ELP4: variants seen among roughly 807,000 people sequenced by gnomAD.
ELP4 encodes the protein elongator complex protein 4.
In ELP4, 51 loss-of-function variants were observed where a neutral mutation model predicts 48.9. That is an observed-to-expected ratio of 1.04 (90% confidence interval 0.83 to 1.32). The LOEUF (loss-of-function observed/expected upper bound fraction) is 1.32, where lower values mean the gene tolerates loss of function less well. Among genes scored for constraint, ELP4 ranks in the 40% most tolerant of loss-of-function variants. ELP4 has a pLI of 0.00. For synonymous variants in ELP4, 210 were observed against 189.2 expected, an observed-to-expected ratio of 1.11 and a Z score of -0.90; for missense variants, 519 against 514.6, an observed-to-expected ratio of 1.01 and a Z score of -0.08.
At chr11:31,748,241 ATCT>A (rs1389299623) in intron 9 of ELP4, among the ~76,000 whole-genome samples, 2 of 145,696 alleles carry the variant, frequency 1.4e-5, no homozygotes, top group African/African-American at 2.5e-5. Flanking sequence ...GTAAACCAAG[ATCT>A]TTTTTTTTTT....
Position 31,665,689 on chromosome 11 carries a change from G to A in ELP4, c.1143+15468G>A, listed in dbSNP as rs76958774. 7.1e-5 allele frequency among the ~76,000 whole-genome samples: 6 copies of A among 84,406 alleles called. No homozygotes were observed. In the East Asian group the frequency reaches 2.3e-3, roughly 33 times the overall value. 55.4% of individuals were successfully genotyped at this position (84,406 alleles called of 152,430 possible). ...TTTTTTTTTTTTTTTGAGAGATTCT[G>A]TGTCACCCAGGCTGGAGTACAGTGG... On this transcript the variant is annotated intron_variant, in intron 9 of 9. Coordinates refer to ENST00000640961, the MANE Select transcript of ELP4 (RefSeq NM_019040.5).
chr11:31,784,860 A>T lies in ELP4; in HGVS notation c.*1336A>T, dbSNP rs1387381312. The T allele has an allele frequency of 5.6e-6, 1 of 178,120 alleles. No individual in the cohort carries two copies. Among genetic ancestry groups the T allele is most frequent in the Non-Finnish European group, 1.2e-5 (1 of 82,862 alleles). 11.0% of individuals were successfully genotyped at this position (178,120 alleles called of 1,614,324 possible). A position where few individuals can be genotyped will look rare whatever the true frequency, so the allele number is the denominator to read the frequency against. On this transcript the variant is annotated 3_prime_UTR_variant, in exon 10 of 10. Transcript: ENST00000640961. ...TGACAGTGATTTGCCAGGATGTCAA[A>T]TCTCTCCATCATATCCTGTCACTAC...
intron 5 of ELP4, among the ~76,000 whole-genome samples, chr11:31,615,129 A>G (rs1042472649): frequency 6.6e-6 from 1 of 152,100 alleles, no homozygotes; most frequent in Non-Finnish European, 1.5e-5. Context: ...CAGGTCAGCA[A>G]CTTACTCTCA....
intron 9 of ELP4, among the ~76,000 whole-genome samples, chr11:31,685,653 C>T (rs1231909941): frequency 6.6e-6 from 1 of 152,058 alleles, no homozygotes; most frequent in East Asian, 1.9e-4. Context: ...ATATTTCTGG[C>T]CGGGTGTGGT....
intron 6 of ELP4, among the ~76,000 whole-genome samples, chr11:31,629,597 C>A (rs1037695279): frequency 6.6e-6 from 1 of 151,824 alleles, no homozygotes; most frequent in Admixed American, 6.6e-5. Context: ...TAATTTCATA[C>A]CTAACAGCAT....
intron 2 of ELP4, among the ~76,000 whole-genome samples, chr11:31,531,682 A>T (rs1220766753): frequency 6.6e-6 from 1 of 152,216 alleles, no homozygotes. Context: ...TACAACATTT[A>T]AAGAGGCTTA....
intron 5 of ELP4, among the ~76,000 whole-genome samples, chr11:31,610,161 T>G (rs1215729299): frequency 6.6e-6 from 1 of 152,154 alleles, no homozygotes; most frequent in East Asian, 1.9e-4. Flanking sequence ...ATTAAAAGGA[T>G]ATGGTGAATG....
chr11:31,702,430 G>C (rs1308817156), intron 9 of ELP4, among the ~76,000 whole-genome samples: 1 of 152,034 alleles, frequency 6.6e-6, no homozygotes, highest in African/African-American at 2.4e-5. Context: ...GTTTCAATTT[G>C]GGATGAAAAA....
At chr11:31,665,655 C>CTTTTT (rs71060496) in intron 9 of ELP4, among the ~76,000 whole-genome samples, 9 of 79,680 alleles carry the variant, frequency 1.1e-4, no homozygotes, top group African/African-American at 1.7e-4. Flanking sequence ...GTCTCTCTTC[C>CTTTTT]TTTTTTTTTT....
At chr11:31,632,551 C>T in intron 7 of ELP4, 146 bp downstream of exon 7, 1 of 551,746 alleles carries the variant, frequency 1.8e-6, no homozygotes, top group East Asian at 3.1e-5. Context: ...TTTTGTCTGT[C>T]TTTTGTCCAT....
chr11:31,521,704 A>G (rs1032586924), intron 2 of ELP4, among the ~76,000 whole-genome samples: 1 of 152,160 alleles, frequency 6.6e-6, no homozygotes, highest in Non-Finnish European at 1.5e-5. Flanking sequence ...CATGATCAGC[A>G]TTTCTCCATT....
At chr11:31,732,922 C>G (rs2134204429) in intron 9 of ELP4, among the ~76,000 whole-genome samples, 1 of 152,196 alleles carries the variant, frequency 6.6e-6, no homozygotes, top group East Asian at 1.9e-4. Flanking sequence ...ATAGATGAAG[C>G]AAACAGTGAC....
At chr11:31,515,509 A>C (rs1956095182) in intron 1 of ELP4, among the ~76,000 whole-genome samples, 1 of 152,126 alleles carries the variant, frequency 6.6e-6, no homozygotes, top group Non-Finnish European at 1.5e-5. Flanking sequence ...TTAAAAAAGA[A>C]AAAGAATTAG....
intron 5 of ELP4, among the ~76,000 whole-genome samples, chr11:31,612,810 G>T (rs75372653): frequency 0.017 from 2,661 of 152,238 alleles, 80 homozygotes; most frequent in African/African-American, 0.06. Context: ...GATAAAGACA[G>T]CAACTTAAAA....
intron 9 of ELP4, among the ~76,000 whole-genome samples, chr11:31,777,079 C>T (rs1044117594): frequency 1.3e-5 from 2 of 151,756 alleles, no homozygotes; most frequent in Admixed American, 6.6e-5. Flanking sequence ...AGAATAATTA[C>T]AATATAATAT....
intron 3 of ELP4, among the ~76,000 whole-genome samples, chr11:31,568,622 C>T (rs1283777372): frequency 6.6e-6 from 1 of 152,018 alleles, no homozygotes; most frequent in Admixed American, 6.5e-5. Flanking sequence ...AGAAATAAAG[C>T]CATACACTGA....
chr11:31,669,814 G>A (rs1431883936), intron 9 of ELP4, among the ~76,000 whole-genome samples: 1 of 152,144 alleles, frequency 6.6e-6, no homozygotes, highest in Non-Finnish European at 1.5e-5. Context: ...ATGGAGAAGG[G>A]TATTAGTAAT....
intron 3 of ELP4, among the ~76,000 whole-genome samples, chr11:31,566,966 A>C (rs1018759265): frequency 1.6e-4 from 25 of 152,176 alleles, no homozygotes; most frequent in African/African-American, 6.0e-4. Flanking sequence ...GTGTTTCACA[A>C]TTTACATTTT....
chr11:31,646,460 C>T (rs952321097), intron 7 of ELP4: 2 of 151,674 alleles, frequency 1.3e-5, no homozygotes, highest in African/African-American at 4.8e-5. Flanking sequence ...TTCATAATAC[C>T]AAGTCAGGTA....
Sources: gnomAD v4.1 joint callset for allele counts (sites outside exome capture counted in the v4.1 genomes callset) on GRCh38, gnomAD v4.1.1 for gene constraint, MANE v1.5 for transcripts, NCBI Gene and HGNC (gene_info 2026-07-23, HGNC 2026-07-21) for gene names.